Variants in MTUS2 observed in about 807,000 individuals in gnomAD.
MTUS2 encodes microtubule associated scaffold protein 2, also known as microtubule-associated tumor suppressor candidate 2.
MTUS2 carries 40 observed loss-of-function variants against 114.1 expected under a neutral mutation model. That is an observed-to-expected ratio of 0.35 (90% CI 0.27 to 0.46). The LOEUF is 0.46. Among genes scored for constraint, MTUS2 ranks in the 20% least tolerant of loss-of-function variants. MTUS2 has a pLI of 1.00. For synonymous variants in MTUS2, 688 were observed against 672.0 expected (o/e 1.02, Z -0.37); for missense variants, 1,679 against 1,705.4 (o/e 0.98, Z 0.27).
chr13:29,391,067 G>A (rs186368131), intron 8 of MTUS2, among the ~76,000 whole-genome samples: 7 of 151,332 alleles, frequency 4.6e-5, no homozygotes, highest in East Asian at 2.0e-4. Flanking sequence ...ATGAGCCACC[G>A]TGTGCCCATC....
chr13:29,352,457 T>C (rs1869372328), intron 7 of MTUS2, among the ~76,000 whole-genome samples: 1 of 152,202 alleles, frequency 6.6e-6, no homozygotes. Context: ...AATATCCTTA[T>C]TGAGTGTTTT....
chr13:29,456,154 A>G (rs574590054), intron 9 of MTUS2, among the ~76,000 whole-genome samples: 2 of 152,342 alleles, frequency 1.3e-5, no homozygotes, highest in East Asian at 1.9e-4. Context: ...CAACAGAGAA[A>G]TAAAAACTAT....
intron 5 of MTUS2, among the ~76,000 whole-genome samples, chr13:29,104,530 C>T (rs917163992): frequency 3.9e-5 from 6 of 152,320 alleles, no homozygotes; most frequent in Admixed American, 1.3e-4. Context: ...TTCCGCTTTA[C>T]GCAGAAGCCA....
intron 4 of MTUS2, among the ~76,000 whole-genome samples, chr13:29,035,786 G>A (rs192997543): frequency 9.5e-4 from 145 of 151,992 alleles, no homozygotes; most frequent in African/African-American, 3.4e-3. Context: ...CTTTCAGACT[G>A]TCCCAGGAAA....
At chr13:29,048,997 G>A (rs71433299) in intron 4 of MTUS2, among the ~76,000 whole-genome samples, 101 of 152,284 alleles carry the variant, frequency 6.6e-4, no homozygotes, top group Non-Finnish European at 1.3e-3. Context: ...TTGCTTTTCA[G>A]CCTTATTAGG....
At chr13:29,122,405 G>A (rs548435462) in intron 5 of MTUS2, among the ~76,000 whole-genome samples, 2 of 152,124 alleles carry the variant, frequency 1.3e-5, no homozygotes, top group Admixed American at 6.6e-5. Context: ...AGCAAGCACC[G>A]CCTCTTTCAC....
chr13:29,378,546 A>C (rs539743916), intron 8 of MTUS2, among the ~76,000 whole-genome samples: 1 of 152,262 alleles, frequency 6.6e-6, no homozygotes, highest in East Asian at 1.9e-4. Flanking sequence ...CCTCCCCATT[A>C]AGATGGCCCA....
At chr13:29,189,706 A>G (rs1176839420) in intron 5 of MTUS2, among the ~76,000 whole-genome samples, 1 of 152,076 alleles carries the variant, frequency 6.6e-6, no homozygotes, top group Admixed American at 6.6e-5. Flanking sequence ...TTAAACTAGG[A>G]AGCTCCACCT....
At chr13:28,847,442 C>T (rs1219386273) in intron 2 of MTUS2, among the ~76,000 whole-genome samples, 1 of 151,962 alleles carries the variant, frequency 6.6e-6, no homozygotes, top group African/African-American at 2.4e-5. Flanking sequence ...AAGAGGATCT[C>T]TAGAAATGGG....
chr13:29,396,553 A>G (rs1283944901), intron 8 of MTUS2, among the ~76,000 whole-genome samples: 1 of 152,204 alleles, frequency 6.6e-6, no homozygotes, highest in Admixed American at 6.5e-5. Flanking sequence ...TTGTGTAGCT[A>G]CCATTCTGCC....
intron 2 of MTUS2, among the ~76,000 whole-genome samples, chr13:28,993,886 A>G (rs1884968772): frequency 6.6e-6 from 1 of 151,506 alleles, no homozygotes; most frequent in Non-Finnish European, 1.5e-5. Context: ...AGTTTATTTT[A>G]ATGTTTATTT....
chr13:29,383,252 G>GTATATATATATA (rs1555271591), intron 8 of MTUS2, among the ~76,000 whole-genome samples: 3 of 135,910 alleles, frequency 2.2e-5, no homozygotes, highest in Admixed American at 7.4e-5. Context: ...GTGTGTGTGT[G>GTATATATATATA]TATTTATTTT....
intron 6 of MTUS2, among the ~76,000 whole-genome samples, chr13:29,321,176 C>T (rs545495765): frequency 1.3e-5 from 2 of 152,048 alleles, no homozygotes; most frequent in African/African-American, 4.8e-5. Flanking sequence ...TGATGTGAGC[C>T]TGTTGAATGG....
At chr13:29,043,512 G>A (rs1342576744) in intron 4 of MTUS2, among the ~76,000 whole-genome samples, 1 of 152,012 alleles carries the variant, frequency 6.6e-6, no homozygotes, top group Admixed American at 6.6e-5. Context: ...GACCTGTCTA[G>A]TGCTGTCAGT....
At chr13:28,868,844 G>A (rs752942188) in intron 2 of MTUS2, among the ~76,000 whole-genome samples, 2 of 152,130 alleles carry the variant, frequency 1.3e-5, no homozygotes, top group Non-Finnish European at 2.9e-5. Context: ...TTTCACCGTA[G>A]CCTGAGTGAT....
At chr13:28,957,577 G>A (rs1883130796) in intron 2 of MTUS2, among the ~76,000 whole-genome samples, 1 of 152,150 alleles carries the variant, frequency 6.6e-6, no homozygotes, top group South Asian at 2.1e-4. Flanking sequence ...GGTATTACTA[G>A]TAATCTAGAG....
chr13:29,442,174 G>C (rs761731796), intron 9 of MTUS2, among the ~76,000 whole-genome samples: 1 of 152,182 alleles, frequency 6.6e-6, no homozygotes, highest in Non-Finnish European at 1.5e-5. Flanking sequence ...ATGACACTGT[G>C]GGGGCAGCTC....
chr13:29,039,388 C>G (rs147668787), intron 4 of MTUS2, among the ~76,000 whole-genome samples: 1 of 152,228 alleles, frequency 6.6e-6, no homozygotes, highest in Admixed American at 6.5e-5. Flanking sequence ...TGCAAAGCAT[C>G]GCGCGCCGGG....
intron 6 of MTUS2, among the ~76,000 whole-genome samples, chr13:29,294,864 G>A (rs1178985308): frequency 6.6e-6 from 1 of 152,156 alleles, no homozygotes; most frequent in African/African-American, 2.4e-5. Flanking sequence ...TATGGCTCAG[G>A]ACCTTGGGCA....
Sources: gnomAD v4.1 joint callset for allele counts (sites outside exome capture counted in the v4.1 genomes callset) on GRCh38, gnomAD v4.1.1 for gene constraint, MANE v1.5 for transcripts, NCBI Gene and HGNC (gene_info 2026-07-23, HGNC 2026-07-21) for gene names.